The following PIK3R2 variants were observed in gnomAD, a reference collection of about 807,000 sequenced individuals.
The protein encoded by PIK3R2 is phosphatidylinositol 3-kinase regulatory subunit beta.
In PIK3R2, 40 loss-of-function variants were observed where a neutral mutation model predicts 78.5. The ratio of observed to expected loss-of-function variants is 0.51; its 90% CI spans 0.40 to 0.66. PIK3R2 has a LOEUF of 0.66. PIK3R2 is among the 30% of genes least tolerant of loss of function. The pLI, the probability that PIK3R2 is intolerant of heterozygous loss-of-function variation, is 0.00. For missense variants in PIK3R2, 880 were observed against 1,026.6 expected (o/e 0.86, Z 1.95); for synonymous variants, 473 against 457.7 (o/e 1.03, Z -0.43).
chr19:18,165,358 G>A (rs1442709109), intron 11 of PIK3R2, among the ~76,000 whole-genome samples: 8 of 49,994 alleles, frequency 1.6e-4, no homozygotes, highest in Admixed American at 1.2e-3. Flanking sequence ...GTGAGACTCC[G>A]TCTCAAAAAA....
In PIK3R2 at chr19:18,161,911, A is replaced by G. The variant is rs2043751993; in HGVS notation, c.816-55A>G. On this transcript the variant is annotated intron_variant, in intron 6 of 15. Coordinates refer to ENST00000222254, the MANE Select transcript of PIK3R2 (RefSeq NM_005027.4). The surrounding 1 kb of genome is among the most constrained non-coding windows in gnomAD (Gnocchi z 5.3). ...CAAGCGCACGCACAATCCTGTGCAC[A>G]TGCGTGGGCGGACAGGCCCTACCCA... 1 of 1,429,322 alleles carries G rather than the reference A, an allele frequency of 7.0e-7. No individual in the cohort carries two copies. Among genetic ancestry groups the G allele is most frequent in the Non-Finnish European group, 9.9e-7 (1 of 1,012,524 alleles). The allele number at this position is 1,429,322 out of a possible 1,614,324, so 88.5% of individuals were successfully genotyped here.
chr19:18,154,376 G>C (rs1191138058), intron 1 of PIK3R2, among the ~76,000 whole-genome samples: 1 of 152,034 alleles, frequency 6.6e-6, no homozygotes, highest in Non-Finnish European at 1.5e-5. Context: ...TGGGGCTAAG[G>C]TTCCTTCTAA....
At position 18,168,496 on chromosome 19, in the gene PIK3R2, C is replaced by T. The variant is rs943705457; in HGVS notation, c.1758C>T (p.Ala586=). 5 of 780,862 alleles carry T rather than the reference C, an allele frequency of 6.4e-6. No individual in the cohort carries two copies. The highest frequency in any genetic ancestry group is 2.7e-5 in the South Asian group (2 of 74,570). 48.4% of individuals were successfully genotyped at this position (780,862 alleles called of 1,614,324 possible). Residue 586 remains alanine (A), a synonymous_variant, in exon 14 of 16, where the codon GCC becomes GCT. Transcript: ENST00000222254. The surrounding 1 kb of genome is among the most constrained non-coding windows in gnomAD (Gnocchi z 4.1). ...TCAGGTGGCTCACCCAGAAAGGCGC[C>T]CGGCAGAAGAAAATCAACGAGTGGC... ...QYLVWLTQKG[A]RQKKINEWLG...
intron 2 of PIK3R2, among the ~76,000 whole-genome samples, chr19:18,158,510 C>CAAAAAA (rs147802007): frequency 6.9e-6 from 1 of 144,938 alleles, no homozygotes; most frequent in Non-Finnish European, 1.5e-5. Context: ...ACAACAACAA[C>CAAAAAA]AACAACAAAA....
chr19:18,156,828 C>T lies in PIK3R2; in HGVS notation c.322+627C>T, dbSNP rs898552583. Among the ~76,000 whole-genome samples, 14 of 152,158 alleles carry T rather than the reference C, an allele frequency of 9.2e-5. No homozygotes were observed. Among genetic ancestry groups the T allele is most frequent in the African/African-American group, 3.4e-4 (14 of 41,458 alleles). ...AAGACCCTTGGCCATCACCACTTGC[C>T]AGGGGTGTGCCAGGTGTAGAGAATC... On this transcript the variant is annotated intron_variant, in intron 2 of 15. Coordinates refer to ENST00000222254, the MANE Select transcript of PIK3R2 (RefSeq NM_005027.4). This position sits in a 1 kb window ranked among gnomAD's most constrained non-coding sequence, Gnocchi z 4.2.
At position 18,161,873 on chromosome 19, in the gene PIK3R2, A is replaced by AC. The variant is rs560713852; in HGVS notation, c.816-88dup. ...GCCCTGCACATACTGTCTCGTATATACCCCCAGGCGTGCAAGCGCACGCAC... is the reference window on the plus strand; with the variant it reads ...GCCCTGCACATACTGTCTCGTATATACCCCCCAGGCGTGCAAGCGCACGCAC... On this transcript the variant is annotated intron_variant, in intron 6 of 15. Coordinates refer to ENST00000222254, the MANE Select transcript of PIK3R2 (RefSeq NM_005027.4). The surrounding 1 kb of genome is among the most constrained non-coding windows in gnomAD (Gnocchi z 5.3). 4.9e-6 allele frequency: 5 copies of AC among 1,019,894 alleles called. No homozygotes were observed. The highest frequency in any genetic ancestry group is 7.7e-6 in the Non-Finnish European group (5 of 650,634). 63.2% of individuals were successfully genotyped at this position (1,019,894 alleles called of 1,614,324 possible). A position where few individuals can be genotyped will look rare whatever the true frequency, so the allele number is the denominator to read the frequency against.
At chr19:18,153,691 G>A (rs2043647033) in intron 1 of PIK3R2, among the ~76,000 whole-genome samples, 5 of 152,156 alleles carry the variant, frequency 3.3e-5, no homozygotes, top group Admixed American at 3.3e-4. Context: ...CCGGGTCCAC[G>A]CAGACCCAAG....
chr19:18,162,209 G>A lies in PIK3R2; in HGVS notation c.909G>A (p.Pro303=), dbSNP rs773170267. ...EEQEVAPPAL[P]PKPPKAKPAS... ...TGTTTTCCTGTCCCCCAGCGCTGCC[G>A]CCTAAACCCCCCAAGGCAAAGCCGG... The change falls in exon 8 of 16, where the codon CCG becomes CCA. Residue 303 remains proline, a synonymous_variant. Transcript: ENST00000222254. The A allele has an allele frequency of 6.4e-6, 10 of 1,569,388 alleles. No homozygotes were observed. Among genetic ancestry groups the A allele is most frequent in the Admixed American group, 3.4e-5 (2 of 59,212 alleles).
chr19:18,160,661 G>C, intron 3 of PIK3R2, 98 bp downstream of exon 3: 1 of 1,036,672 alleles, frequency 9.6e-7, no homozygotes, highest in Non-Finnish European at 1.5e-6. Flanking sequence ...CATGCTGCAC[G>C]GAAACAGGCT....
chr19:18,157,578 T>C (rs2043690791), intron 2 of PIK3R2, among the ~76,000 whole-genome samples: 1 of 152,158 alleles, frequency 6.6e-6, no homozygotes, highest in Non-Finnish European at 1.5e-5. Context: ...GCAGCCCCTC[T>C]GACCCACAAT....
At chr19:18,162,611 C>T (rs958486449) in intron 9 of PIK3R2, 105 bp downstream of exon 9, 21 of 931,134 alleles carry the variant, frequency 2.3e-5, no homozygotes, top group East Asian at 1.0e-4. Flanking sequence ...GGGCCAGGCA[C>T]GGTGGCTTAC....
chr19:18,166,484 G>A (rs899879331), intron 12 of PIK3R2, among the ~76,000 whole-genome samples, 182 bp downstream of exon 12: 4 of 152,136 alleles, frequency 2.6e-5, no homozygotes, highest in Admixed American at 1.3e-4. Flanking sequence ...GCCGAGGCGG[G>A]TGGATCTCCT....
intron 11 of PIK3R2, among the ~76,000 whole-genome samples, chr19:18,164,613 G>A (rs1358209534): frequency 6.6e-6 from 1 of 151,514 alleles, no homozygotes; most frequent in African/African-American, 2.4e-5. Flanking sequence ...GTACCCTAAG[G>A]GTTTTCTGTC....
At position 18,167,312 on chromosome 19, in the gene PIK3R2, T is replaced by A. The variant is rs762024321; in HGVS notation, c.1736+6T>A. ...ATCCGAGACCAGTACCTCGTGTAAG[T>A]GGCGGCTCCATACTTCCCTGCGGCT... On this transcript the variant is annotated splice_donor_region_variant and intron_variant, in intron 13 of 15. Transcript: ENST00000222254. This position sits in a 1 kb window ranked among gnomAD's most constrained non-coding sequence, Gnocchi z 4.5. The A allele has an allele frequency of 1.5e-5, 23 of 1,574,720 alleles. No homozygotes were observed. Among genetic ancestry groups the A allele is most frequent in the Non-Finnish European group, 1.9e-5 (22 of 1,159,992 alleles).
At position 18,168,329 on chromosome 19, in the gene PIK3R2, G is replaced by A. The variant is rs273271; in HGVS notation, c.1737-146G>A. On this transcript the variant is annotated intron_variant, in intron 13 of 15. Transcript: ENST00000222254. The surrounding 1 kb of genome is among the most constrained non-coding windows in gnomAD (Gnocchi z 4.1). ...CCTGGGTTCAGGCTGCCCTGAGCCA[G>A]GTCAGCTCTGCCCTCTTGTGGCAAC... The A allele has an allele frequency of 7.8e-6, 5 of 640,014 alleles. No homozygotes were observed. Among genetic ancestry groups the A allele is most frequent in the Non-Finnish European group, 1.4e-5 (5 of 351,422 alleles). The allele number at this position is 640,014 out of a possible 1,614,324, so 39.6% of individuals were successfully genotyped here.
chr19:18,161,371 C>T lies in PIK3R2; in HGVS notation c.691C>T (p.Arg231Cys), dbSNP rs558127851. 1.7e-4 allele frequency: 215 copies of T among 1,264,270 alleles called. No homozygotes were observed. In the African/African-American group the frequency reaches 3.0e-3, roughly 17 times the overall value. 78.3% of individuals were successfully genotyped at this position (1,264,270 alleles called of 1,614,324 possible). A position where few individuals can be genotyped will look rare whatever the true frequency, so the allele number is the denominator to read the frequency against. ...GCGCTTCCTGCTCCAGCACCTGGGCCGCGTGGCCAGCCGCGCCCCGGCCCT... is the reference window on the plus strand; with the variant it reads ...GCGCTTCCTGCTCCAGCACCTGGGCTGCGTGGCCAGCCGCGCCCCGGCCCT... ...TLRFLLQHLGRVASRAPALGP... is the reference protein window; with the variant it reads ...TLRFLLQHLGCVASRAPALGP... Residue 231 changes from arginine to cysteine, a missense_variant, in exon 6 of 16, where the codon CGC becomes TGC. By Grantham distance (180) the Arg-to-Cys change is radical (BLOSUM62 -3). Around this residue, in one of 3 missense-constraint regions of PIK3R2, gnomAD observed 456 missense variants for 486.6 expected, o/e 0.94. Coordinates refer to ENST00000222254, the MANE Select transcript of PIK3R2 (RefSeq NM_005027.4). This position sits in a 1 kb window ranked among gnomAD's most constrained non-coding sequence, Gnocchi z 5.3.
intron 2 of PIK3R2, among the ~76,000 whole-genome samples, chr19:18,159,593 C>T (rs1277428552): frequency 6.6e-6 from 1 of 151,448 alleles, no homozygotes; most frequent in East Asian, 2.0e-4. Context: ...GTGCGCACCA[C>T]CACACCTGGC....
At chr19:18,160,787 C>T in intron 3 of PIK3R2, 132 bp from the exon 4 acceptor site, 1 of 1,155,974 alleles carries the variant, frequency 8.7e-7, no homozygotes, top group Non-Finnish European at 1.3e-6. Context: ...CCCAGTTCTC[C>T]CTCCCCACCC....
rs2043748853 is a variant in PIK3R2, at chr19:18,161,681, G to C, written c.815+186G>C. Among the ~76,000 whole-genome samples the C allele has an allele frequency of 1.3e-5, 2 of 152,284 alleles. No individual in the cohort carries two copies. Among genetic ancestry groups the C allele is most frequent in the Non-Finnish European group, 2.9e-5 (2 of 68,012 alleles). ...CTGAGTCGTGGGACAGAAGGTGAAG[G>C]GGCCTAGTCCCGAAGCATGTGGGTG... On this transcript the variant is annotated intron_variant, in intron 6 of 15. Coordinates refer to ENST00000222254, the MANE Select transcript of PIK3R2 (RefSeq NM_005027.4). The surrounding 1 kb of genome is among the most constrained non-coding windows in gnomAD (Gnocchi z 5.3).
Sources: allele counts gnomAD v4.1 joint callset (sites outside exome capture counted in the v4.1 genomes callset), GRCh38; gene constraint gnomAD v4.1.1; regional missense constraint gnomAD v4.1.1; non-coding constraint Gnocchi (gnomAD v3.1); transcripts MANE v1.5; gene names NCBI Gene and HGNC (gene_info 2026-07-23, HGNC 2026-07-21).